Variants in ANK2 observed in about 807,000 individuals in gnomAD.
The protein encoded by ANK2 is ankyrin 2.
In ANK2, 83 loss-of-function variants were observed where a neutral mutation model predicts 360.5. The ratio of observed to expected loss-of-function variants is 0.23; its 90% CI spans 0.19 to 0.28. ANK2 has a LOEUF of 0.28. ANK2 is among the 10% of genes least tolerant of loss of function. The pLI is 1.00. For synonymous variants in ANK2, 1,740 were observed against 1,759.5 expected, an observed-to-expected ratio of 0.99 and a Z score of 0.28; for missense variants, 4,201 against 4,795.7, an observed-to-expected ratio of 0.88 and a Z score of 3.66.
chr4:113,112,819 G>C (rs1048125392), intron 1 of ANK2, among the ~76,000 whole-genome samples: 14 of 152,168 alleles, frequency 9.2e-5, no homozygotes, highest in African/African-American at 3.4e-4. Context: ...TTTGGAGCTG[G>C]AGTGTCCTTG....
the ANK2 span, among the ~76,000 whole-genome samples, chr4:112,804,245 C>T: frequency 6.6e-6 from 1 of 152,178 alleles, no homozygotes; most frequent in East Asian, 1.9e-4. Context: ...TGGTCTCGAT[C>T]TCCTGACCTT....
At chr4:112,776,049 T>C in the ANK2 span, among the ~76,000 whole-genome samples, 6 of 152,106 alleles carry the variant, frequency 3.9e-5, no homozygotes, top group African/African-American at 1.4e-4. Context: ...AGCGCCAGCC[T>C]AGGGAACGTG....
intron 39 of ANK2, among the ~76,000 whole-genome samples, chr4:113,361,926 CAT>C (rs2096249776): frequency 6.6e-6 from 1 of 152,070 alleles, no homozygotes. Context: ...TATAGAATGA[CAT>C]AGAATGAAAA....
intron 24 of ANK2, among the ~76,000 whole-genome samples, chr4:113,314,250 G>C (rs1438757008): frequency 6.6e-6 from 1 of 152,086 alleles, no homozygotes; most frequent in Non-Finnish European, 1.5e-5. Flanking sequence ...AACCACAGAA[G>C]CTTCTTCATA....
At chr4:113,097,876 G>GTATATATA (rs1562040937) in intron 1 of ANK2, among the ~76,000 whole-genome samples, 2 of 105,928 alleles carry the variant, frequency 1.9e-5, no homozygotes, top group Non-Finnish European at 4.2e-5. Context: ...GTATATATAT[G>GTATATATA]CACACACACA....
intron 29 of ANK2, among the ~76,000 whole-genome samples, chr4:113,333,986 A>T (rs1296106554): frequency 6.6e-6 from 1 of 152,178 alleles, no homozygotes; most frequent in Non-Finnish European, 1.5e-5. Flanking sequence ...TTCACATTCA[A>T]CTTTAAGTAA....
chr4:113,270,458 T>G (rs2058074402), intron 14 of ANK2, among the ~76,000 whole-genome samples: 1 of 152,214 alleles, frequency 6.6e-6, no homozygotes, highest in Non-Finnish European at 1.5e-5. Flanking sequence ...ATTTCATCAA[T>G]TCTACTTTTT....
chr4:113,262,970 A>C (rs1383590348), intron 13 of ANK2, among the ~76,000 whole-genome samples: 2 of 151,690 alleles, frequency 1.3e-5, no homozygotes, highest in Admixed American at 1.3e-4. Context: ...CGGGTGGATC[A>C]CTAGGTCAGG....
the ANK2 span, among the ~76,000 whole-genome samples, chr4:112,713,806 C>T: frequency 2.0e-5 from 3 of 150,972 alleles, no homozygotes; most frequent in African/African-American, 2.4e-5. Flanking sequence ...TGGTGGCAGG[C>T]GCCTGTAGTC....
At chr4:113,336,809 A>T (rs1352168353) in intron 31 of ANK2, 28 bp downstream of exon 31, 1 of 1,607,496 alleles carries the variant, frequency 6.2e-7, no homozygotes, top group South Asian at 1.1e-5. Flanking sequence ...GTGTTCGTAG[A>T]GAGTTCTGAA....
At chr4:113,077,539 G>A (rs1363411831) in intron 1 of ANK2, among the ~76,000 whole-genome samples, 1 of 152,120 alleles carries the variant, frequency 6.6e-6, no homozygotes, top group African/African-American at 2.4e-5. Context: ...TTTTAACATT[G>A]CTTCAGTTCT....
chr4:113,122,069 G>A (rs1045228577), intron 1 of ANK2, among the ~76,000 whole-genome samples: 2 of 152,148 alleles, frequency 1.3e-5, no homozygotes, highest in Admixed American at 1.3e-4. Flanking sequence ...CTTTGGAATT[G>A]TGTTATAAGA....
At chr4:112,765,608 C>T in the ANK2 span, among the ~76,000 whole-genome samples, 2 of 151,398 alleles carry the variant, frequency 1.3e-5, no homozygotes, top group African/African-American at 4.8e-5. Flanking sequence ...TTGCCTTTTA[C>T]CTTATAATAC....
intron 17 of ANK2, among the ~76,000 whole-genome samples, chr4:113,280,950 T>G (rs2062071438): frequency 6.6e-6 from 1 of 152,202 alleles, no homozygotes; most frequent in Non-Finnish European, 1.5e-5. Context: ...GTGTGTCCTT[T>G]TTTTCAATAG....
rs1451655008 is a variant in ANK2 at position 113,383,120 on chromosome 4, G to A, written c.*1649G>A. ...TGAAATTTAAATAAAAAAGGACAGA[G>A]TCTATCCTCCAGGGATTGAACATTT... On this transcript the variant is annotated 3_prime_UTR_variant, in exon 46 of 46. Coordinates refer to ENST00000357077, the MANE Select transcript of ANK2 (RefSeq NM_001148.6). 6.6e-6 allele frequency: 1 copy of A among 152,630 alleles called. No individual in the cohort carries two copies. Among genetic ancestry groups the A allele is most frequent in the Non-Finnish European group, 1.5e-5 (1 of 68,040 alleles). 9.5% of individuals were successfully genotyped at this position (152,630 alleles called of 1,614,324 possible).
At chr4:113,319,609 C>T (rs545083245) in intron 26 of ANK2, among the ~76,000 whole-genome samples, 97 of 151,886 alleles carry the variant, frequency 6.4e-4, no homozygotes, top group African/African-American at 2.3e-3. Flanking sequence ...AAATTTTAGA[C>T]TTCTTCAACT....
At chr4:112,960,948 C>A (rs2034480321) in intron 2 of ANK2, among the ~76,000 whole-genome samples, 1 of 152,024 alleles carries the variant, frequency 6.6e-6, no homozygotes, top group African/African-American at 2.4e-5. Context: ...TACAAATAAT[C>A]AGACTTGTAA....
At chr4:113,370,828 G>A (rs1397969947) in intron 43 of ANK2, among the ~76,000 whole-genome samples, 1 of 152,092 alleles carries the variant, frequency 6.6e-6, no homozygotes, top group Non-Finnish European at 1.5e-5. Context: ...ACATACGTCA[G>A]AATTGATTGG....
chr4:113,337,923 C>T (rs565355028), intron 31 of ANK2, among the ~76,000 whole-genome samples: 8 of 152,266 alleles, frequency 5.3e-5, no homozygotes, highest in East Asian at 1.9e-4. Flanking sequence ...ATCTGTGATA[C>T]GCTCTGCCCT....
Sources: allele counts gnomAD v4.1 joint callset (sites outside exome capture counted in the v4.1 genomes callset), GRCh38; gene constraint gnomAD v4.1.1; transcripts MANE v1.5; gene names NCBI Gene and HGNC (gene_info 2026-07-23, HGNC 2026-07-21).